LARGE1: variants seen among roughly 807,000 people sequenced by gnomAD.
The protein encoded by LARGE1 is xylosyl- and glucuronyltransferase LARGE1.
Under a neutral mutation model 87.6 loss-of-function variants are expected in LARGE1, and 43 were observed. The observed-to-expected ratio is 0.49, with a 90% CI of 0.38 to 0.63. LARGE1 has a LOEUF of 0.63. Ranked by LOEUF, LARGE1 falls within the 30% of genes least tolerant of loss-of-function variation. The pLI, the probability that LARGE1 is intolerant of heterozygous loss-of-function variation, is 0.00. For missense variants in LARGE1, 802 were observed against 1,000.2 expected, an observed-to-expected ratio of 0.80 and a Z score of 2.67; for synonymous variants, 434 against 394.6, an observed-to-expected ratio of 1.10 and a Z score of -1.18.
intron 11 of LARGE1, among the ~76,000 whole-genome samples, chr22:33,181,600 C>A (rs1923165085): frequency 1.3e-5 from 2 of 150,898 alleles, no homozygotes; most frequent in South Asian, 4.2e-4. Flanking sequence ...GCTATTTTGG[C>A]TCACTGCAAC....
chr22:33,068,593 C>T, the LARGE1 span, among the ~76,000 whole-genome samples: 8 of 152,048 alleles, frequency 5.3e-5, no homozygotes, highest in South Asian at 2.1e-4. Flanking sequence ...TGCAGTGAGC[C>T]GAGATGGCGC....
rs566609061 is a variant in LARGE1, at chr22:33,619,020, A to T, written c.491+7224T>A. On this transcript the variant is annotated intron_variant, in intron 4 of 14. Transcript: ENST00000397394. Reference sequence around the variant, plus strand: ...AAGCCTTGAGCTCAGCTATATTGGGAACTCTCCTGCCTTTGAGTAGGGGGA... The same window carrying T: ...AAGCCTTGAGCTCAGCTATATTGGGTACTCTCCTGCCTTTGAGTAGGGGGA... Among the ~76,000 whole-genome samples the T allele has an allele frequency of 3.3e-5, 5 of 152,234 alleles. No individual in the cohort carries two copies. The South Asian group carries it at 1.0e-3, about 32-fold the overall frequency.
chr22:33,241,427 T>C (rs1004503044), intron 11 of LARGE1, among the ~76,000 whole-genome samples: 3 of 152,060 alleles, frequency 2.0e-5, no homozygotes, highest in African/African-American at 7.2e-5. Flanking sequence ...ACTGAGTCTT[T>C]CTCACTATTG....
At chr22:33,758,272 C>G (rs2084594579) in intron 2 of LARGE1, among the ~76,000 whole-genome samples, 1 of 152,202 alleles carries the variant, frequency 6.6e-6, no homozygotes, top group South Asian at 2.1e-4. Flanking sequence ...ATTCTTCCCA[C>G]CATTTCTTAC....
intron 11 of LARGE1, among the ~76,000 whole-genome samples, chr22:33,221,441 C>T (rs1415077290): frequency 3.9e-5 from 6 of 152,090 alleles, no homozygotes; most frequent in Non-Finnish European, 8.8e-5. Flanking sequence ...TAAAAAGATG[C>T]AAGTTATTTA....
At position 33,914,387 on chromosome 22, in the gene LARGE1, C is replaced by T. The variant is rs545768988; in HGVS notation, c.-83+5608G>A. 2.6e-5 allele frequency among the ~76,000 whole-genome samples: 4 copies of T among 152,306 alleles called. No homozygotes were observed. The East Asian group carries it at 7.7e-4, about 29-fold the overall frequency. ...TTCCCCTTCCAAGTTACATTCAGGGCTTTGCAAAATCCGGAGAGGTCACCT... is the reference window on the plus strand; with the variant it reads ...TTCCCCTTCCAAGTTACATTCAGGGTTTTGCAAAATCCGGAGAGGTCACCT... On this transcript the variant is annotated intron_variant, in intron 1 of 14. Transcript: ENST00000397394.
intron 11 of LARGE1, among the ~76,000 whole-genome samples, chr22:33,184,689 A>G (rs1568964203): frequency 6.6e-6 from 1 of 152,138 alleles, no homozygotes; most frequent in East Asian, 1.9e-4. Context: ...ATATCTATAC[A>G]AAAACCTCTT....
intron 1 of LARGE1, among the ~76,000 whole-genome samples, chr22:33,790,999 A>T (rs1378204266): frequency 1.3e-5 from 2 of 152,264 alleles, no homozygotes; most frequent in African/African-American, 2.4e-5. Context: ...CAACGGCAGT[A>T]ACTTTTCATT....
chr22:33,858,419 A>G (rs2063819316), intron 1 of LARGE1, among the ~76,000 whole-genome samples: 2 of 152,244 alleles, frequency 1.3e-5, no homozygotes, highest in Non-Finnish European at 2.9e-5. Flanking sequence ...GGGGACCCAA[A>G]GAGGGTAGCC....
intron 2 of LARGE1, among the ~76,000 whole-genome samples, chr22:33,730,385 G>A (rs1399471299): frequency 2.0e-5 from 3 of 152,174 alleles, no homozygotes; most frequent in Non-Finnish European, 4.4e-5. Context: ...CAAATGTTCA[G>A]GAAGTCAAAA....
At chr22:33,076,673 A>C in the LARGE1 span, among the ~76,000 whole-genome samples, 1 of 152,100 alleles carries the variant, frequency 6.6e-6, no homozygotes, top group Non-Finnish European at 1.5e-5. Context: ...AAAGAGTTAG[A>C]CTTCATAAAA....
At chr22:33,509,423 T>C (rs2070939300) in intron 6 of LARGE1, among the ~76,000 whole-genome samples, 1 of 152,130 alleles carries the variant, frequency 6.6e-6, no homozygotes, top group Admixed American at 6.5e-5. Context: ...TGGTGTCATG[T>C]TTAATAGAGT....
intron 3 of LARGE1, among the ~76,000 whole-genome samples, chr22:33,642,968 T>G (rs2080491306): frequency 6.6e-6 from 1 of 152,112 alleles, no homozygotes; most frequent in African/African-American, 2.4e-5. Context: ...AATACCCCAT[T>G]GTCAGTATTA....
intron 6 of LARGE1, among the ~76,000 whole-genome samples, chr22:33,485,745 C>T (rs956185873): frequency 2.0e-5 from 3 of 152,152 alleles, no homozygotes; most frequent in African/African-American, 7.2e-5. Context: ...ATCCGTGAGG[C>T]TACTCTGATC....
chr22:33,749,941 T>C (rs904721966), intron 2 of LARGE1, among the ~76,000 whole-genome samples: 2 of 152,238 alleles, frequency 1.3e-5, no homozygotes, highest in African/African-American at 4.8e-5. Flanking sequence ...GCTCCCTTGC[T>C]ATCTTGGTGG....
In LARGE1 at chr22:33,535,687, G is replaced by A. The variant is rs958393212; in HGVS notation, c.787+29161C>T. On this transcript the variant is annotated intron_variant, in intron 6 of 14. Transcript: ENST00000397394. Reference sequence around the variant, plus strand: ...TTGACCAACCCCCTCATAGGGCTGGGGATCCATTCCATGTGGCATTTGGGA... The same window carrying A: ...TTGACCAACCCCCTCATAGGGCTGGAGATCCATTCCATGTGGCATTTGGGA... 2.0e-5 allele frequency among the ~76,000 whole-genome samples: 3 copies of A among 152,272 alleles called. No homozygotes were observed. The East Asian group carries it at 5.8e-4, about 29-fold the overall frequency.
At chr22:33,598,125 C>A (rs1015580997) in intron 5 of LARGE1, among the ~76,000 whole-genome samples, 3 of 152,170 alleles carry the variant, frequency 2.0e-5, no homozygotes, top group Admixed American at 2.0e-4. Context: ...ATGACAGTAA[C>A]TTAGCTGAAA....
chr22:33,482,673 C>T (rs762507970), intron 6 of LARGE1, among the ~76,000 whole-genome samples: 4 of 151,900 alleles, frequency 2.6e-5, no homozygotes, highest in Admixed American at 1.3e-4. Flanking sequence ...CAAACCTGCA[C>T]GTTCTGCACA....
At chr22:33,302,796 C>T (rs908192822) in intron 12 of LARGE1, among the ~76,000 whole-genome samples, 2 of 152,170 alleles carry the variant, frequency 1.3e-5, no homozygotes, top group Admixed American at 6.5e-5. Context: ...GGGCTGCAGA[C>T]GCTGGTTCAC....
Sources: gnomAD v4.1 joint callset for allele counts (sites outside exome capture counted in the v4.1 genomes callset) on GRCh38, gnomAD v4.1.1 for gene constraint, MANE v1.5 for transcripts, NCBI Gene and HGNC (gene_info 2026-07-23, HGNC 2026-07-21) for gene names.